Variants in RHOBTB2 observed in about 807,000 individuals in gnomAD.
The protein encoded by RHOBTB2 is Rho related BTB domain containing 2, also known as rho-related BTB domain-containing protein 2.
Under a neutral mutation model 66.5 loss-of-function variants are expected in RHOBTB2, and 39 were observed. The ratio of observed to expected loss-of-function variants is 0.59; its 90% CI spans 0.45 to 0.77. RHOBTB2 has a LOEUF of 0.77. RHOBTB2 is among the 30% of genes least tolerant of loss of function. The pLI, the probability that RHOBTB2 is intolerant of heterozygous loss-of-function variation, is 0.00. For synonymous variants in RHOBTB2, 390 were observed against 395.0 expected (o/e 0.99, Z 0.15); for missense variants, 755 against 999.1 (o/e 0.76, Z 3.29).
At position 23,007,421 on chromosome 8, in the gene RHOBTB2, T is replaced by G; in HGVS notation, c.1176T>G (p.Ala392=). 1 of 1,614,114 alleles carries G rather than the reference T, an allele frequency of 6.2e-7. No individual in the cohort carries two copies. Among genetic ancestry groups the G allele is most frequent in the Non-Finnish European group, 8.5e-7 (1 of 1,180,032 alleles). ...GTGTGCTGTCTTCCTGGAGCCGAGCTTTTGTGAGCATCCAGGAAGAGATGG... is the reference window on the plus strand; with the variant it reads ...GTGTGCTGTCTTCCTGGAGCCGAGCGTTTGTGAGCATCCAGGAAGAGATGG... ...RGRVLSSWSR[A]FVSIQEEMAE... The change falls in exon 5 of 10, where the codon GCT becomes GCG. Residue 392 remains alanine, a synonymous_variant. Coordinates refer to ENST00000251822, the MANE Select transcript of RHOBTB2 (RefSeq NM_015178.3).
chr8:23,007,151 G>C lies in RHOBTB2; in HGVS notation c.906G>C (p.Glu302Asp), dbSNP rs201976444. 2 of 1,606,224 alleles carry C rather than the reference G, an allele frequency of 1.2e-6. No individual in the cohort carries two copies. Among genetic ancestry groups the C allele is most frequent in the Admixed American group, 3.3e-5 (2 of 59,910 alleles). The change falls in exon 5 of 10, where the codon GAG becomes GAC. Residue 302 changes from glutamate (E) to aspartate (D), a missense_variant. Around this residue, in one of 7 missense-constraint regions of RHOBTB2, gnomAD observed 247 missense variants for 238.9 expected, o/e 1.03. Coordinates refer to ENST00000251822, the MANE Select transcript of RHOBTB2 (RefSeq NM_015178.3). Reference protein sequence around the residue: ...FYDLFLMDLSEGELGGPSEPG... With the variant: ...FYDLFLMDLSDGELGGPSEPG... ...ACCTGTTCCTCATGGACCTGAGTGA[G>C]GGGGAGCTGGGGGGCCCCTCGGAGC...
chr8:22,979,604 T>C, the RHOBTB2 span, among the ~76,000 whole-genome samples: 667 of 152,256 alleles, frequency 4.4e-3, 5 homozygotes, highest in African/African-American at 0.014. Context: ...CTAGTGTTTA[T>C]GACGTCCTAT....
intron 6 of RHOBTB2, 43 bp downstream of exon 6, chr8:23,008,154 T>C (rs911317702): frequency 7.4e-7 from 1 of 1,350,734 alleles, no homozygotes. Context: ...GAGTGAGACA[T>C]TTGCACCCTT....
At chr8:22,981,241 C>T in the RHOBTB2 span, among the ~76,000 whole-genome samples, 1 of 152,230 alleles carries the variant, frequency 6.6e-6, no homozygotes, top group African/African-American at 2.4e-5. Context: ...TCAAGAAATG[C>T]TTACTGGCTG....
chr8:22,988,512 A>G (rs1810343925), intron 1 of RHOBTB2, among the ~76,000 whole-genome samples: 1 of 151,790 alleles, frequency 6.6e-6, no homozygotes, highest in African/African-American at 2.4e-5. Context: ...TGGCCCATTC[A>G]TGGCTCCACC....
At chr8:23,016,540 T>C (rs1020573750) in intron 9 of RHOBTB2, among the ~76,000 whole-genome samples, 49 of 152,018 alleles carry the variant, frequency 3.2e-4, no homozygotes, top group African/African-American at 1.1e-3. Context: ...GCCTCCCGGG[T>C]AGCTGGGATT....
At chr8:23,014,605 C>A in intron 7 of RHOBTB2, 85 bp from the exon 8 acceptor site, 1 of 1,288,612 alleles carries the variant, frequency 7.8e-7, no homozygotes, top group South Asian at 1.2e-5. Context: ...TTTCCTCACC[C>A]TGAAGTGAGC....
chr8:22,994,198 G>T (rs544601179), intron 2 of RHOBTB2, among the ~76,000 whole-genome samples: 37 of 152,354 alleles, frequency 2.4e-4, no homozygotes, highest in African/African-American at 8.2e-4. Context: ...GAGAGGGAAG[G>T]ATATTGTCCA....
At position 23,006,913 on chromosome 8, in the gene RHOBTB2, A is replaced by G. The variant is rs375369739; in HGVS notation, c.668A>G (p.Asn223Ser). 3.1e-6 allele frequency: 5 copies of G among 1,613,734 alleles called. No individual in the cohort carries two copies. The highest frequency in any genetic ancestry group is 4.5e-5 in the East Asian group (2 of 44,890). Residue 223 changes from asparagine (N) to serine (S), a missense_variant, in exon 5 of 10, where the codon AAT becomes AGT. Coordinates refer to ENST00000251822, the MANE Select transcript of RHOBTB2 (RefSeq NM_015178.3). The surrounding 1 kb of genome is among the most constrained non-coding windows in gnomAD (Gnocchi z 6.1). ...HLQFWKSHLR[N>S]VQRPLLQAPF... ...CAGTTCTGGAAGTCCCACCTCCGCA[A>G]TGTGCAGCGGCCTCTGCTGCAGGCA... is the stretch of plus-strand genomic sequence containing the variant.
At chr8:23,015,796 C>G in intron 9 of RHOBTB2, 53 bp downstream of exon 9, 1 of 1,250,726 alleles carries the variant, frequency 8.0e-7, no homozygotes, top group Non-Finnish European at 1.2e-6. Flanking sequence ...CTTAGGGGTG[C>G]ACAGCTCCCA....
rs1810716002 is a variant in RHOBTB2, at chr8:22,999,880, C to G, written c.-236C>G. On this transcript the variant is annotated 5_prime_UTR_variant, in exon 1 of 10. Coordinates refer to ENST00000251822, the MANE Select transcript of RHOBTB2 (RefSeq NM_015178.3). ...GGAAGGGGCAGCGGCTGCAGTGCAG[C>G]GCGCGCGTCCGCTCCTGGGCCCACG... The G allele has an allele frequency of 1.0e-6, 1 of 984,914 alleles. No homozygotes were observed. 61.0% of individuals were successfully genotyped at this position (984,914 alleles called of 1,614,324 possible). A position where few individuals can be genotyped will look rare whatever the true frequency, so the allele number is the denominator to read the frequency against.
chr8:23,014,320 C>T (rs1811227765), intron 7 of RHOBTB2, among the ~76,000 whole-genome samples: 1 of 152,228 alleles, frequency 6.6e-6, no homozygotes, highest in Non-Finnish European at 1.5e-5. Flanking sequence ...TCACAGTTCT[C>T]AGCCTTTTTC....
rs1810724932 is a variant in RHOBTB2, at chr8:23,000,056, G to C, written c.-60G>C. On this transcript the variant is annotated 5_prime_UTR_variant, in exon 1 of 10. Coordinates refer to ENST00000251822, the MANE Select transcript of RHOBTB2 (RefSeq NM_015178.3). ...TTCACTAAAATGAGCGTGCTCAGCA[G>C]GAAGAGATGTGTTCCTCACGCTAGA... 1.4e-5 allele frequency: 14 copies of C among 985,398 alleles called. No homozygotes were observed. The highest frequency in any genetic ancestry group is 1.7e-5 in the Non-Finnish European group (14 of 829,972). The allele number at this position is 985,398 out of a possible 1,614,324, so 61.0% of individuals were successfully genotyped here. A position where few individuals can be genotyped will look rare whatever the true frequency, so the allele number is the denominator to read the frequency against.
upstream of RHOBTB2, among the ~76,000 whole-genome samples, chr8:22,996,725 AG>A (rs1810578519): frequency 6.6e-6 from 1 of 151,934 alleles, no homozygotes; most frequent in Non-Finnish European, 1.5e-5. Flanking sequence ...AGGGAGTGGG[AG>A]GCTTCCTGTG....
In RHOBTB2 at chr8:23,007,978, G is replaced by A. The variant is rs565855383; in HGVS notation, c.1502-15G>A. 4.4e-6 allele frequency: 7 copies of A among 1,608,208 alleles called. No homozygotes were observed. The East Asian group carries it at 1.3e-4, about 31-fold the overall frequency. ...CTTCTTTCACCAGTCCTCCTGTGAT[G>A]CTTCTTCTGGACAGATGTGACCTTC... On this transcript the variant is annotated splice_polypyrimidine_tract_variant and intron_variant, in intron 5 of 9. Transcript: ENST00000251822.
chr8:22,988,754 G>A (rs191412336), intron 1 of RHOBTB2, among the ~76,000 whole-genome samples: 26 of 152,256 alleles, frequency 1.7e-4, no homozygotes, highest in South Asian at 6.2e-4. Flanking sequence ...TCACTTCCTC[G>A]CAAAGGAGTA....
chr8:22,999,761 C>T lies in RHOBTB2; in HGVS notation c.-355C>T, dbSNP rs1035031562. ...GTAGCGGCGGCGGCCTCGCCCCTCT[C>T]CCGGCGCCCCTGCGCGCCGCCCGCT... is the stretch of plus-strand genomic sequence containing the variant. On this transcript the variant is annotated 5_prime_UTR_variant, in exon 1 of 10. Transcript: ENST00000251822. The T allele has an allele frequency of 7.0e-6, 7 of 993,834 alleles. No homozygotes were observed. The highest frequency in any genetic ancestry group is 3.5e-5 in the African/African-American group (2 of 56,988). 61.6% of individuals were successfully genotyped at this position (993,834 alleles called of 1,614,324 possible).
the RHOBTB2 span, among the ~76,000 whole-genome samples, chr8:22,960,505 G>A: frequency 6.6e-6 from 1 of 152,008 alleles, no homozygotes; most frequent in Admixed American, 6.6e-5. Flanking sequence ...TTTTAGTAGA[G>A]GTGGGGTTTC....
Position 23,014,570 on chromosome 8 carries a change from T to C in RHOBTB2, c.1772-120T>C, listed in dbSNP as rs1811235990. The C allele has an allele frequency of 9.5e-6, 8 of 840,736 alleles. No individual in the cohort carries two copies. In the South Asian group the frequency reaches 1.3e-4, roughly 14 times the overall value. The allele number at this position is 840,736 out of a possible 1,614,324, so 52.1% of individuals were successfully genotyped here. Reference sequence around the variant, plus strand: ...TCATAGCCTGGGGCCTTTCCTGGCCTGTCCGGACCTGCCCGGGCCCTGGTT... The same window carrying C: ...TCATAGCCTGGGGCCTTTCCTGGCCCGTCCGGACCTGCCCGGGCCCTGGTT... On this transcript the variant is annotated intron_variant, in intron 7 of 9. Transcript: ENST00000251822.
Sources: allele counts gnomAD v4.1 joint callset (sites outside exome capture counted in the v4.1 genomes callset), GRCh38; gene constraint gnomAD v4.1.1; regional missense constraint gnomAD v4.1.1; non-coding constraint Gnocchi (gnomAD v3.1); transcripts MANE v1.5; gene names NCBI Gene and HGNC (gene_info 2026-07-23, HGNC 2026-07-21).